Variants in PPM1L observed in about 807,000 individuals in gnomAD.
PPM1L encodes protein phosphatase 1L.
A neutral mutation model predicts 31.4 loss-of-function variants in PPM1L; 13 were observed. The observed-to-expected ratio is 0.41, with a 90% CI of 0.27 to 0.66. PPM1L has a LOEUF of 0.66. Ranked by LOEUF, PPM1L falls within the 30% of genes least tolerant of loss-of-function variation. The pLI is 0.29. For synonymous variants in PPM1L, 184 were observed against 175.4 expected (o/e 1.05, Z -0.39); for missense variants, 326 against 453.7 (o/e 0.72, Z 2.56).
In PPM1L at chr3:160,889,693, A is replaced by G. The variant is rs188535353; in HGVS notation, c.400-72043A>G. Among the ~76,000 whole-genome samples the G allele has an allele frequency of 1.8e-3, 279 of 152,306 alleles. 1 individual carries two copies. The highest frequency in any genetic ancestry group is 6.2e-3 in the African/African-American group (259 of 41,556). On this transcript the variant is annotated intron_variant, in intron 1 of 3. Coordinates refer to ENST00000498165, the MANE Select transcript of PPM1L (RefSeq NM_139245.4). ...TGATACCAAAACTAGGCAGAAACAC[A>G]CGCAAAAAAACAAAACTTCAGGCTA... is the stretch of plus-strand genomic sequence containing the variant.
intron 1 of PPM1L, among the ~76,000 whole-genome samples, chr3:160,864,160 G>A (rs535317750): frequency 1.3e-5 from 2 of 152,118 alleles, no homozygotes; most frequent in East Asian, 3.9e-4. Context: ...ATTCTCCCTT[G>A]TCTGTCTGTT....
At chr3:160,811,039 T>TAATA (rs1712789328) in intron 1 of PPM1L, among the ~76,000 whole-genome samples, 3 of 152,260 alleles carry the variant, frequency 2.0e-5, no homozygotes, top group Non-Finnish European at 2.9e-5. Context: ...TATGGCCCTG[T>TAATA]GAAGCAGTCA....
At chr3:160,917,356 A>C (rs1714219711) in intron 1 of PPM1L, among the ~76,000 whole-genome samples, 1 of 151,926 alleles carries the variant, frequency 6.6e-6, no homozygotes, top group Non-Finnish European at 1.5e-5. Context: ...TAAACTATAG[A>C]GTGACAGGTC....
chr3:160,756,447 A>G lies in PPM1L; in HGVS notation c.139A>G (p.Thr47Ala). The stretch of plus-strand genomic sequence containing the variant: ...CTTCTTCCACACCGACGAGGTGAAG[A>G]CCATCGTGAAGTCCAGCCGGGACGC... ...SYFFHTDEVKTIVKSSRDAVK... is the reference protein window; with the variant it reads ...SYFFHTDEVKAIVKSSRDAVK... The change falls in exon 1 of 4, where the codon ACC becomes GCC. Residue 47 changes from threonine to alanine, a missense_variant. Thr to Ala is a moderately conservative substitution (Grantham distance 58, BLOSUM62 0). Transcript: ENST00000498165. This position sits in a 1 kb window ranked among gnomAD's most constrained non-coding sequence, Gnocchi z 6.2. 3.7e-6 allele frequency: 6 copies of G among 1,614,136 alleles called. No individual in the cohort carries two copies. The highest frequency in any genetic ancestry group is 5.1e-6 in the Non-Finnish European group (6 of 1,180,020).
At chr3:160,866,237 CA>C (rs1222372782) in intron 1 of PPM1L, among the ~76,000 whole-genome samples, 3 of 152,264 alleles carry the variant, frequency 2.0e-5, no homozygotes, top group African/African-American at 7.2e-5. Context: ...TAGTACTATA[CA>C]AAATAGTCAT....
intron 2 of PPM1L, among the ~76,000 whole-genome samples, chr3:161,051,445 G>C (rs1017461150): frequency 6.6e-6 from 1 of 152,012 alleles, no homozygotes; most frequent in African/African-American, 2.4e-5. Flanking sequence ...AGATAGAAGT[G>C]TGAGGGAGAA....
intron 1 of PPM1L, among the ~76,000 whole-genome samples, chr3:160,793,284 A>T (rs568847470): frequency 5.8e-4 from 89 of 152,328 alleles, no homozygotes; most frequent in African/African-American, 2.1e-3. Context: ...TATTATTAAA[A>T]ATCTATTAAC....
At chr3:160,911,420 A>G (rs1349338067) in intron 1 of PPM1L, among the ~76,000 whole-genome samples, 1 of 152,176 alleles carries the variant, frequency 6.6e-6, no homozygotes, top group Non-Finnish European at 1.5e-5. Flanking sequence ...AGACCTTCTT[A>G]GCAAATGCAC....
intron 2 of PPM1L, among the ~76,000 whole-genome samples, chr3:161,047,248 T>G (rs985770553): frequency 6.6e-6 from 1 of 152,168 alleles, no homozygotes; most frequent in African/African-American, 2.4e-5. Flanking sequence ...AAAGTCTCAG[T>G]ATACAAAATC....
At chr3:160,925,451 A>G (rs995035156) in intron 1 of PPM1L, among the ~76,000 whole-genome samples, 4 of 152,334 alleles carry the variant, frequency 2.6e-5, no homozygotes, top group African/African-American at 9.6e-5. Flanking sequence ...TGAGTTTGGC[A>G]TATTGTTCTA....
intron 1 of PPM1L, among the ~76,000 whole-genome samples, chr3:160,847,657 G>A (rs1714123888): frequency 6.6e-6 from 1 of 151,920 alleles, no homozygotes; most frequent in Non-Finnish European, 1.5e-5. Context: ...CACACCCAGG[G>A]ACATACCAAA....
chr3:160,985,941 T>C (rs757001087), intron 2 of PPM1L, among the ~76,000 whole-genome samples: 1 of 150,040 alleles, frequency 6.7e-6, no homozygotes, highest in Non-Finnish European at 1.5e-5. Context: ...TAGATGCCTA[T>C]ATTGATGGCA....
At chr3:160,892,220 G>A (rs951184545) in intron 1 of PPM1L, among the ~76,000 whole-genome samples, 2 of 152,198 alleles carry the variant, frequency 1.3e-5, no homozygotes, top group Admixed American at 1.3e-4. Context: ...GGCTATACAG[G>A]CATGGTGCTG....
chr3:160,900,129 ACT>A lies in PPM1L; in HGVS notation c.400-61604_400-61603del, dbSNP rs1232354346. Among the ~76,000 whole-genome samples the A allele has an allele frequency of 3.3e-5, 5 of 152,114 alleles. No homozygotes were observed. The East Asian group carries it at 7.7e-4, about 23-fold the overall frequency. On this transcript the variant is annotated intron_variant, in intron 1 of 3. Transcript: ENST00000498165. ...GCTGTATTTTTTTTGCTTTAAATTCACTCTGTTATGAATATTGTTAGAGCGAA... is the reference window on the plus strand; with the variant it reads ...GCTGTATTTTTTTTGCTTTAAATTCACTGTTATGAATATTGTTAGAGCGAA...
intron 1 of PPM1L, among the ~76,000 whole-genome samples, chr3:160,791,200 T>C (rs1289176141): frequency 1.3e-5 from 2 of 152,092 alleles, no homozygotes; most frequent in Non-Finnish European, 2.9e-5. Context: ...AAGAGAGACA[T>C]AAAATGAACA....
intron 2 of PPM1L, among the ~76,000 whole-genome samples, chr3:160,996,535 G>C (rs769828674): frequency 2.0e-5 from 3 of 152,158 alleles, no homozygotes; most frequent in Non-Finnish European, 4.4e-5. Context: ...AAGTAACTCA[G>C]AAATGGAAAA....
At chr3:160,790,268 A>T (rs1019384419) in intron 1 of PPM1L, among the ~76,000 whole-genome samples, 29 of 152,082 alleles carry the variant, frequency 1.9e-4, no homozygotes, top group African/African-American at 7.0e-4. Flanking sequence ...TTTGACATTA[A>T]TTTTGTTTGT....
chr3:160,962,455 T>C (rs996809659), intron 2 of PPM1L, among the ~76,000 whole-genome samples: 3 of 152,152 alleles, frequency 2.0e-5, no homozygotes, highest in African/African-American at 7.2e-5. Context: ...TTTAATCTAT[T>C]ATATGGTCTG....
At chr3:160,900,175 T>C (rs1186001274) in intron 1 of PPM1L, among the ~76,000 whole-genome samples, 1 of 152,162 alleles carries the variant, frequency 6.6e-6, no homozygotes. Context: ...ATATAACAGA[T>C]AAATTGTTGC....
Sources: gnomAD v4.1 joint callset for allele counts (sites outside exome capture counted in the v4.1 genomes callset) on GRCh38, gnomAD v4.1.1 for gene constraint, Gnocchi (gnomAD v3.1) non-coding constraint, MANE v1.5 for transcripts, NCBI Gene and HGNC (gene_info 2026-07-23, HGNC 2026-07-21) for gene names.